Variants in ZC3H4 observed in about 807,000 individuals in gnomAD.
The protein encoded by ZC3H4 is zinc finger CCCH-type containing 4.
In ZC3H4, 13 loss-of-function variants were observed where a neutral mutation model predicts 108.3. That is an observed-to-expected ratio of 0.12 (90% confidence interval 0.08 to 0.19). The LOEUF (loss-of-function observed/expected upper bound fraction) is 0.19. Ranked by LOEUF, ZC3H4 falls within the 10% of genes least tolerant of loss-of-function variation. ZC3H4 has a pLI of 1.00. For missense variants in ZC3H4, 1,734 were observed against 1,838.8 expected, an observed-to-expected ratio of 0.94 and a Z score of 1.04; for synonymous variants, 917 against 749.6, an observed-to-expected ratio of 1.22 and a Z score of -3.65.
At chr19:47,109,119 TTTGA>T (rs1459896268) in intron 2 of ZC3H4, among the ~76,000 whole-genome samples, 11 of 152,240 alleles carry the variant, frequency 7.2e-5, no homozygotes, top group African/African-American at 2.2e-4. Flanking sequence ...CATCCATTAA[TTTGA>T]TTTTTAACTA....
At position 47,084,936 on chromosome 19, in the gene ZC3H4, A is replaced by C. The variant is rs1009776731; in HGVS notation, c.1107+120T>G. ...CTGGTTATGCTGGTCAACACTGGCC[A>C]GCCCTTTGGGGGGTGGCTGATGGCA... On this transcript the variant is annotated intron_variant, in intron 8 of 14. Coordinates refer to ENST00000253048, the MANE Select transcript of ZC3H4 (RefSeq NM_015168.2). 4.3e-5 allele frequency: 59 copies of C among 1,364,982 alleles called. 1 individual carries two copies. Among genetic ancestry groups the C allele is most frequent in the East Asian group, 3.7e-4 (16 of 43,454 alleles). The allele number at this position is 1,364,982 out of a possible 1,614,324, so 84.6% of individuals were successfully genotyped here. A position where few individuals can be genotyped will look rare whatever the true frequency, so the allele number is the denominator to read the frequency against.
At position 47,072,258 on chromosome 19, in the gene ZC3H4, G is replaced by T; in HGVS notation, c.1802+94C>A. The T allele has an allele frequency of 7.0e-7, 1 of 1,428,180 alleles. No individual in the cohort carries two copies. The highest frequency in any genetic ancestry group is 9.5e-7 in the Non-Finnish European group (1 of 1,049,780). 88.5% of individuals were successfully genotyped at this position (1,428,180 alleles called of 1,614,324 possible). On this transcript the variant is annotated intron_variant, in intron 12 of 14. Coordinates refer to ENST00000253048, the MANE Select transcript of ZC3H4 (RefSeq NM_015168.2). The surrounding 1 kb of genome is among the most constrained non-coding windows in gnomAD (Gnocchi z 5.6). ...ACTCCCACAGCTGGGGAGAGAGGCA[G>T]GACTCTCCCACAGCCAGGCTTGCCC...
chr19:47,093,526 G>T (rs2057772451), intron 4 of ZC3H4, among the ~76,000 whole-genome samples: 1 of 152,206 alleles, frequency 6.6e-6, no homozygotes. Context: ...CCTCATGGAG[G>T]TCAGCTAGGG....
chr19:47,068,326 G>A (rs2057257680), intron 14 of ZC3H4, among the ~76,000 whole-genome samples: 1 of 152,216 alleles, frequency 6.6e-6, no homozygotes, highest in Admixed American at 6.5e-5. Flanking sequence ...CTTTCTGGAG[G>A]TCCTGGTAGC....
At chr19:47,073,755 C>T (rs996826305) in intron 11 of ZC3H4, among the ~76,000 whole-genome samples, 4 of 152,258 alleles carry the variant, frequency 2.6e-5, no homozygotes, top group Non-Finnish European at 4.4e-5. Context: ...TGCTTTCCGT[C>T]TCTGCGGACC....
intron 13 of ZC3H4, among the ~76,000 whole-genome samples, chr19:47,071,575 T>C (rs1599978545): frequency 6.6e-6 from 1 of 152,250 alleles, no homozygotes; most frequent in African/African-American, 2.4e-5. Context: ...AAATAACCTA[T>C]ATTGGTAATA....
chr19:47,097,842 C>T (rs1332058654), intron 2 of ZC3H4, among the ~76,000 whole-genome samples: 1 of 152,198 alleles, frequency 6.6e-6, no homozygotes, highest in Non-Finnish European at 1.5e-5. Context: ...CCTGCCGTGG[C>T]GGCCTGTGCA....
At chr19:47,110,978 G>GGGGAGGT in intron 2 of ZC3H4, 1 of 964,436 alleles carries the variant, frequency 1.0e-6, no homozygotes, top group Non-Finnish European at 1.2e-6. Context: ...AAAGGGGAAA[G>GGGGAGGT]GGGAGGTGGG....
intron 11 of ZC3H4, among the ~76,000 whole-genome samples, chr19:47,080,364 G>T (rs532273348): frequency 6.6e-6 from 1 of 152,204 alleles, no homozygotes; most frequent in Non-Finnish European, 1.5e-5. Context: ...CCCCAAGGGA[G>T]CCTTCCCCTT....
At chr19:47,090,833 T>C (rs2057718487) in intron 4 of ZC3H4, among the ~76,000 whole-genome samples, 1 of 152,088 alleles carries the variant, frequency 6.6e-6, no homozygotes, top group Non-Finnish European at 1.5e-5. Context: ...TACCGGCTCA[T>C]CAATTCTAAC....
chr19:47,100,369 CCTT>C (rs1362370080), intron 2 of ZC3H4, among the ~76,000 whole-genome samples: 1 of 152,168 alleles, frequency 6.6e-6, no homozygotes, highest in Non-Finnish European at 1.5e-5. Flanking sequence ...TGCTCTGTCT[CCTT>C]TTCTTCAGCA....
chr19:47,067,512 C>T lies in ZC3H4; in HGVS notation c.2756G>A (p.Gly919Glu). The change falls in exon 15 of 15, where the codon GGG becomes GAG. Residue 919 changes from glycine (G) to glutamate (E), a missense_variant. Gly to Glu is a moderately conservative substitution (Grantham distance 98). Transcript: ENST00000253048. The surrounding 1 kb of genome is among the most constrained non-coding windows in gnomAD (Gnocchi z 6.4). ...TTCCTCCTCCTCCGTTGGGGGCGGC[C>T]CAGACCCCTTGGAACTGCTGGGGCC... ...PVGPSSSKGS[G>E]PPPTEEEEGE... The T allele has an allele frequency of 5.6e-6, 9 of 1,593,158 alleles. No individual in the cohort carries two copies. Among genetic ancestry groups the T allele is most frequent in the Non-Finnish European group, 7.7e-6 (9 of 1,169,136 alleles).
At chr19:47,112,200 G>A in intron 2 of ZC3H4, 2 of 1,213,370 alleles carry the variant, frequency 1.6e-6, no homozygotes, top group Non-Finnish European at 1.0e-6. Context: ...AGGGAGAGCG[G>A]GCGAGCGCCG....
chr19:47,108,866 A>C (rs972615546), intron 2 of ZC3H4, among the ~76,000 whole-genome samples: 4 of 152,288 alleles, frequency 2.6e-5, no homozygotes, highest in Middle Eastern at 3.4e-3. Flanking sequence ...TTTTTCTTTT[A>C]AAGAGCAAAT....
At position 47,065,163 on chromosome 19, in the gene ZC3H4, A is replaced by T. The variant is rs2057177128; in HGVS notation, c.*1193T>A. On this transcript the variant is annotated 3_prime_UTR_variant, in exon 15 of 15. Transcript: ENST00000253048. ...GCTGGCCCTCAGCCAGGGTGGGAGC[A>T]TGGGGGGAGCAGAGGCTCCCCATCC... 1 of 152,238 alleles carries T rather than the reference A, an allele frequency of 6.6e-6. No homozygotes were observed. The highest frequency in any genetic ancestry group is 2.1e-4 in the South Asian group (1 of 4,836). 9.4% of individuals were successfully genotyped at this position (152,238 alleles called of 1,614,324 possible). A position where few individuals can be genotyped will look rare whatever the true frequency, so the allele number is the denominator to read the frequency against.
chr19:47,113,433 AAGG>A (rs981401960), intron 1 of ZC3H4: 31 of 152,688 alleles, frequency 2.0e-4, no homozygotes, highest in African/African-American at 7.2e-4. Flanking sequence ...GGGACCGGGG[AAGG>A]AGGAGAAACT....
In ZC3H4 at chr19:47,105,536, T is replaced by C. The variant is rs557485792; in HGVS notation, c.161+6888A>G. On this transcript the variant is annotated intron_variant, in intron 2 of 14. Coordinates refer to ENST00000253048, the MANE Select transcript of ZC3H4 (RefSeq NM_015168.2). ...AATCCCTTGAACCAGGAGGCAGAGG[T>C]TGCAGTGAGCCAAGATCATGCCACC... 3.3e-5 allele frequency among the ~76,000 whole-genome samples: 5 copies of C among 151,950 alleles called. No homozygotes were observed. In the South Asian group the frequency reaches 1.0e-3, roughly 32 times the overall value.
chr19:47,091,018 G>A (rs889489329), intron 4 of ZC3H4, among the ~76,000 whole-genome samples: 3 of 152,196 alleles, frequency 2.0e-5, no homozygotes, highest in African/African-American at 7.2e-5. Flanking sequence ...TGTAATCCCA[G>A]CACTTTGGGA....
chr19:47,071,639 T>C (rs983290228), intron 13 of ZC3H4, 139 bp downstream of exon 13: 2 of 882,454 alleles, frequency 2.3e-6, no homozygotes, highest in African/African-American at 1.7e-5. Context: ...ACTGAAAACA[T>C]TCAACCATTA....
Sources: allele counts gnomAD v4.1 joint callset (sites outside exome capture counted in the v4.1 genomes callset), GRCh38; gene constraint gnomAD v4.1.1; non-coding constraint Gnocchi (gnomAD v3.1); transcripts MANE v1.5; gene names NCBI Gene and HGNC (gene_info 2026-07-23, HGNC 2026-07-21).